Variants in TRIM2 observed in about 807,000 individuals in gnomAD.
The protein encoded by TRIM2 is tripartite motif-containing protein 2.
A neutral mutation model predicts 75.2 loss-of-function variants in TRIM2; 20 were observed. The observed-to-expected ratio is 0.27, with a 90% CI of 0.19 to 0.39. The LOEUF (loss-of-function observed/expected upper bound fraction) is 0.39. Among genes scored for constraint, TRIM2 ranks in the 10% least tolerant of loss-of-function variants. TRIM2 has a pLI of 1.00. For synonymous variants in TRIM2, 373 were observed against 388.3 expected (o/e 0.96, Z 0.46); for missense variants, 660 against 990.8 (o/e 0.67, Z 4.48).
At chr4:153,264,886 C>T (rs923187208) in intron 1 of TRIM2, among the ~76,000 whole-genome samples, 1 of 152,088 alleles carries the variant, frequency 6.6e-6, no homozygotes, top group South Asian at 2.1e-4. Context: ...AATCCAGATG[C>T]CTTCAACAGG....
At chr4:153,264,214 C>G (rs991922340) in intron 1 of TRIM2, among the ~76,000 whole-genome samples, 1 of 152,152 alleles carries the variant, frequency 6.6e-6, no homozygotes, top group Non-Finnish European at 1.5e-5. Flanking sequence ...AGCTAGTCTT[C>G]CATATGAAAA....
At chr4:153,196,572 C>T (rs1230796817) in intron 1 of TRIM2, among the ~76,000 whole-genome samples, 1 of 152,168 alleles carries the variant, frequency 6.6e-6, no homozygotes, top group African/African-American at 2.4e-5. Flanking sequence ...GAACAGTACC[C>T]AGCACGTAAC....
chr4:153,226,221 C>T (rs1742092460), intron 1 of TRIM2, among the ~76,000 whole-genome samples: 1 of 152,154 alleles, frequency 6.6e-6, no homozygotes, highest in African/African-American at 2.4e-5. Flanking sequence ...AATATTCTCT[C>T]CCTAGAATTT....
chr4:153,166,032 C>T (rs1277000064), intron 1 of TRIM2, among the ~76,000 whole-genome samples: 1 of 152,100 alleles, frequency 6.6e-6, no homozygotes, highest in Non-Finnish European at 1.5e-5. Flanking sequence ...TTAGATTGAT[C>T]CTCTAATTTT....
intron 1 of TRIM2, among the ~76,000 whole-genome samples, chr4:153,212,783 G>C (rs1013929756): frequency 6.6e-6 from 1 of 152,260 alleles, no homozygotes; most frequent in African/African-American, 2.4e-5. Context: ...TTGTTTGGGG[G>C]CCTGTCTTCT....
At chr4:153,219,801 G>A (rs1328177985) in intron 1 of TRIM2, among the ~76,000 whole-genome samples, 2 of 152,216 alleles carry the variant, frequency 1.3e-5, no homozygotes, top group Admixed American at 1.3e-4. Flanking sequence ...TTGGGAGGCA[G>A]AGGTTGCAGT....
At chr4:153,202,524 A>C (rs1039410031), upstream of TRIM2, among the ~76,000 whole-genome samples, 11 of 151,476 alleles carry the variant, frequency 7.3e-5, no homozygotes, top group African/African-American at 2.7e-4. Flanking sequence ...AACTCTACTA[A>C]AAAATAAATA....
chr4:153,282,724 G>A lies in TRIM2; in HGVS notation c.453+6594G>A, dbSNP rs920785940. On this transcript the variant is annotated intron_variant, in intron 3 of 11. Transcript: ENST00000338700. Reference sequence around the variant, plus strand: ...AACTTCCCAGAGTGCTGGGATTACAGGTGTTAAGGCACCGAGCCTGGCCTG... The same window carrying A: ...AACTTCCCAGAGTGCTGGGATTACAAGTGTTAAGGCACCGAGCCTGGCCTG... Among the ~76,000 whole-genome samples the A allele has an allele frequency of 3.3e-5, 5 of 152,066 alleles. No homozygotes were observed. The South Asian group carries it at 8.3e-4, about 25-fold the overall frequency.
At chr4:153,211,488 C>CT (rs112668688) in intron 1 of TRIM2, among the ~76,000 whole-genome samples, 28,351 of 134,798 alleles carry the variant, frequency 0.21, 4,162 homozygotes, top group African/African-American at 0.42. Context: ...TTTTCTTTTT[C>CT]TTTTTTTTTT....
chr4:153,329,855 A>T (rs1771076289), intron 11 of TRIM2, among the ~76,000 whole-genome samples: 1 of 152,196 alleles, frequency 6.6e-6, no homozygotes, highest in Middle Eastern at 3.4e-3. Flanking sequence ...AAAAAAAAAA[A>T]AGAAATGAAA....
At chr4:153,181,536 G>A (rs952484690) in intron 1 of TRIM2, among the ~76,000 whole-genome samples, 1 of 152,170 alleles carries the variant, frequency 6.6e-6, no homozygotes, top group Non-Finnish European at 1.5e-5. Context: ...GCCATGAGAG[G>A]CTCATGACCA....
At chr4:153,225,852 A>T (rs987518528) in intron 1 of TRIM2, among the ~76,000 whole-genome samples, 4 of 152,184 alleles carry the variant, frequency 2.6e-5, no homozygotes, top group African/African-American at 9.7e-5. Flanking sequence ...TTATTTTTGC[A>T]TATCCTGCCT....
At chr4:153,278,236 C>T (rs552169512) in intron 3 of TRIM2, among the ~76,000 whole-genome samples, 18 of 152,238 alleles carry the variant, frequency 1.2e-4, no homozygotes, top group Non-Finnish European at 1.9e-4. Context: ...CTGTCCTCTG[C>T]CCCAGTATCT....
At chr4:153,210,585 G>A (rs76209216) in intron 1 of TRIM2, among the ~76,000 whole-genome samples, 2,457 of 152,248 alleles carry the variant, frequency 0.016, 61 homozygotes, top group African/African-American at 0.056. Flanking sequence ...GGACCAAAAG[G>A]AAGGAACTAG....
chr4:153,236,129 G>A (rs1050799883), intron 1 of TRIM2, among the ~76,000 whole-genome samples: 4 of 152,044 alleles, frequency 2.6e-5, no homozygotes, highest in Non-Finnish European at 5.9e-5. Flanking sequence ...CCTGTGAAGA[G>A]GTGCCTTCTG....
chr4:153,293,583 C>T (rs1046288493), intron 4 of TRIM2, among the ~76,000 whole-genome samples: 8 of 152,192 alleles, frequency 5.3e-5, no homozygotes, highest in Non-Finnish European at 1.2e-4. Flanking sequence ...TGTTTTCCTG[C>T]TTCCAAGTTC....
chr4:153,192,987 T>A (rs914208695), intron 1 of TRIM2, among the ~76,000 whole-genome samples: 1 of 152,206 alleles, frequency 6.6e-6, no homozygotes, highest in Non-Finnish European at 1.5e-5. Context: ...TTACTGGACA[T>A]GGTCTATAGT....
intron 11 of TRIM2, among the ~76,000 whole-genome samples, chr4:153,331,240 T>G (rs575119550): frequency 1.3e-4 from 20 of 152,276 alleles, no homozygotes; most frequent in African/African-American, 4.6e-4. Flanking sequence ...TGAGGATTCC[T>G]TAAGTCTGGG....
intron 3 of TRIM2, among the ~76,000 whole-genome samples, chr4:153,286,439 T>G (rs1352919149): frequency 6.6e-6 from 1 of 152,164 alleles, no homozygotes; most frequent in Non-Finnish European, 1.5e-5. Flanking sequence ...AATTCACCAG[T>G]GAAGCCATCT....
Sources: allele counts gnomAD v4.1 joint callset (sites outside exome capture counted in the v4.1 genomes callset), GRCh38; gene constraint gnomAD v4.1.1; transcripts MANE v1.5; gene names NCBI Gene and HGNC (gene_info 2026-07-23, HGNC 2026-07-21).